The following DSCAM variants were observed in gnomAD, a reference collection of about 807,000 sequenced individuals.
DSCAM encodes cell adhesion molecule DSCAM.
Under a neutral mutation model 217.7 loss-of-function variants are expected in DSCAM, and 47 were observed. That is an observed-to-expected ratio of 0.22 (90% CI 0.17 to 0.28). The LOEUF (loss-of-function observed/expected upper bound fraction) is 0.28. DSCAM is among the 10% of genes least tolerant of loss of function. The pLI, the probability that DSCAM is intolerant of heterozygous loss-of-function variation, is 1.00. For synonymous variants in DSCAM, 1,056 were observed against 1,015.3 expected (o/e 1.04, Z -0.76); for missense variants, 2,080 against 2,618.3 (o/e 0.79, Z 4.49).
intron 9 of DSCAM, among the ~76,000 whole-genome samples, chr21:40,303,611 A>G (rs2074039872): frequency 1.3e-5 from 2 of 152,132 alleles, no homozygotes; most frequent in Admixed American, 1.3e-4. Flanking sequence ...TCTTTATTTT[A>G]ATCACCATGG....
intron 20 of DSCAM, among the ~76,000 whole-genome samples, chr21:40,123,585 C>A (rs2837436): frequency 6.6e-6 from 1 of 152,134 alleles, no homozygotes; most frequent in Non-Finnish European, 1.5e-5. Context: ...ATAATATGAA[C>A]GATAACAAAA....
rs539895590 is a variant in DSCAM at position 40,011,743 on chromosome 21, G to A, written c.*1291C>T. 1 of 152,308 alleles carries A rather than the reference G, an allele frequency of 6.6e-6. No individual in the cohort carries two copies. Among genetic ancestry groups the A allele is most frequent in the African/African-American group, 2.4e-5 (1 of 41,554 alleles). The allele number at this position is 152,308 out of a possible 1,614,324, so 9.4% of individuals were successfully genotyped here. A position where few individuals can be genotyped will look rare whatever the true frequency, so the allele number is the denominator to read the frequency against. On this transcript the variant is annotated 3_prime_UTR_variant, in exon 33 of 33. Transcript: ENST00000400454. ...GGAAAGTAAAAACTTAGATTTTAGA[G>A]GAACATCACTTTCCTCTGGTTACAG...
chr21:40,119,080 C>T (rs2090004448), intron 20 of DSCAM, among the ~76,000 whole-genome samples: 1 of 152,176 alleles, frequency 6.6e-6, no homozygotes. Flanking sequence ...TGTACTACCA[C>T]ATACTCACAA....
Position 40,318,191 on chromosome 21 carries a change from G to C in DSCAM, c.1784-5832C>G, listed in dbSNP as rs956873619. ...CACATTCTGGGTACTGTTGTGGGGT[G>C]GGGGGAGGGGGGACGGATAGCATTA... On this transcript the variant is annotated intron_variant, in intron 8 of 32. Transcript: ENST00000400454. Among the ~76,000 whole-genome samples the C allele has an allele frequency of 4.3e-5, 5 of 117,306 alleles. 1 individual carries two copies. Among genetic ancestry groups the C allele is most frequent in the South Asian group, 7.3e-4 (2 of 2,750 alleles). 77.0% of individuals were successfully genotyped at this position (117,306 alleles called of 152,430 possible).
chr21:40,651,327 T>C (rs2090010918), intron 3 of DSCAM, among the ~76,000 whole-genome samples: 1 of 152,224 alleles, frequency 6.6e-6, no homozygotes, highest in Admixed American at 6.5e-5. Flanking sequence ...CAGCCACTAA[T>C]AGCAGCAAAA....
chr21:40,481,915 C>T (rs1003076792), intron 3 of DSCAM, among the ~76,000 whole-genome samples: 5 of 152,154 alleles, frequency 3.3e-5, no homozygotes, highest in African/African-American at 7.2e-5. Flanking sequence ...GAGCTAGACC[C>T]GGAACACACG....
intron 28 of DSCAM, among the ~76,000 whole-genome samples, chr21:40,058,154 G>A (rs562949628): frequency 3.3e-5 from 5 of 152,194 alleles, no homozygotes; most frequent in South Asian, 2.1e-4. Context: ...TTACAGGTGT[G>A]AGCCACTGCG....
At chr21:40,692,581 C>A (rs3804025) in intron 3 of DSCAM, among the ~76,000 whole-genome samples, 1 of 152,124 alleles carries the variant, frequency 6.6e-6, no homozygotes, top group Non-Finnish European at 1.5e-5. Context: ...GTTACAGTGC[C>A]GGTAACTAAT....
intron 10 of DSCAM, among the ~76,000 whole-genome samples, chr21:40,287,601 T>C (rs942575846): frequency 2.0e-5 from 3 of 152,198 alleles, no homozygotes; most frequent in African/African-American, 7.2e-5. Flanking sequence ...AAACGTTTAG[T>C]TAACTGTCTG....
intron 16 of DSCAM, among the ~76,000 whole-genome samples, chr21:40,145,475 T>G (rs909731896): frequency 1.3e-5 from 2 of 152,120 alleles, no homozygotes; most frequent in Non-Finnish European, 2.9e-5. Context: ...ACCCTGCTGA[T>G]GTGAAGATGG....
rs117366749 is a variant in DSCAM at position 40,105,626 on chromosome 21, A to C, written c.3697-11752T>G. ...AGCCATGCTGAACTGTAAGTCAATT[A>C]AACCTCTTTCCTTTGTAAGTCACTC... On this transcript the variant is annotated intron_variant, in intron 20 of 32. Coordinates refer to ENST00000400454, the MANE Select transcript of DSCAM (RefSeq NM_001389.5). Among the ~76,000 whole-genome samples, 128 of 152,306 alleles carry C rather than the reference A, an allele frequency of 8.4e-4. 4 individuals are homozygous for C. In the East Asian group the frequency reaches 0.021, roughly 26 times the overall value.
intron 3 of DSCAM, among the ~76,000 whole-genome samples, chr21:40,498,547 C>T (rs1428585920): frequency 6.7e-6 from 1 of 149,886 alleles, no homozygotes; most frequent in Non-Finnish European, 1.5e-5. Flanking sequence ...GATTTATAAG[C>T]ACATGTATTT....
intron 32 of DSCAM, among the ~76,000 whole-genome samples, chr21:40,032,933 T>C (rs866980241): frequency 1.3e-5 from 2 of 152,202 alleles, no homozygotes; most frequent in South Asian, 2.1e-4. Flanking sequence ...TGGGAAAGCA[T>C]CGGCATGTTT....
At chr21:40,025,744 T>G (rs982384024) in intron 32 of DSCAM, among the ~76,000 whole-genome samples, 1 of 150,388 alleles carries the variant, frequency 6.6e-6, no homozygotes, top group African/African-American at 2.5e-5. Context: ...TTATTGCATC[T>G]ATTTGATTCT....
intron 19 of DSCAM, among the ~76,000 whole-genome samples, chr21:40,127,678 T>A (rs539944787): frequency 6.6e-6 from 1 of 152,200 alleles, no homozygotes; most frequent in Non-Finnish European, 1.5e-5. Flanking sequence ...ACTCACCATC[T>A]TCTATCCAAA....
intron 9 of DSCAM, among the ~76,000 whole-genome samples, chr21:40,300,235 T>G (rs1487483887): frequency 6.6e-6 from 1 of 152,196 alleles, no homozygotes; most frequent in Admixed American, 6.5e-5. Context: ...CACAGGTACC[T>G]CTAATTCAAG....
intron 3 of DSCAM, among the ~76,000 whole-genome samples, chr21:40,620,043 AGAG>A (rs2089463862): frequency 7.9e-6 from 1 of 126,346 alleles, no homozygotes; most frequent in Non-Finnish European, 1.7e-5. Flanking sequence ...AGAGAAAGAG[AGAG>A]AAAAAAGAAA....
At chr21:40,580,876 G>A (rs2146222747) in intron 3 of DSCAM, among the ~76,000 whole-genome samples, 1 of 152,272 alleles carries the variant, frequency 6.6e-6, no homozygotes, top group East Asian at 1.9e-4. Flanking sequence ...AGAAAGAAGT[G>A]TATAGGTTTA....
intron 3 of DSCAM, among the ~76,000 whole-genome samples, chr21:40,369,766 A>T (rs1050399288): frequency 6.6e-6 from 1 of 152,178 alleles, no homozygotes; most frequent in Non-Finnish European, 1.5e-5. Context: ...ATATTCTACA[A>T]ACTTCCCCTA....
Sources: gnomAD v4.1 joint callset for allele counts (sites outside exome capture counted in the v4.1 genomes callset) on GRCh38, gnomAD v4.1.1 for gene constraint, MANE v1.5 for transcripts, NCBI Gene and HGNC (gene_info 2026-07-23, HGNC 2026-07-21) for gene names.